Variants in SCN9A observed in about 807,000 individuals in gnomAD.
SCN9A encodes the protein sodium channel protein type 9 subunit alpha.
A neutral mutation model predicts 187.0 loss-of-function variants in SCN9A; 131 were observed. The observed-to-expected ratio is 0.70, with a 90% CI of 0.61 to 0.81. The LOEUF is 0.81. Ranked by LOEUF, SCN9A falls within the 30% of genes least tolerant of loss-of-function variation. The pLI, the probability that SCN9A is intolerant of heterozygous loss-of-function variation, is 0.00. For synonymous variants in SCN9A, 809 were observed against 808.6 expected (o/e 1.00, Z -0.01); for missense variants, 2,252 against 2,396.6 (o/e 0.94, Z 1.26).
intron 17 of SCN9A, among the ~76,000 whole-genome samples, chr2:166,265,938 G>A (rs1457908223): frequency 1.3e-5 from 2 of 151,794 alleles, no homozygotes; most frequent in African/African-American, 2.4e-5. Context: ...AGTTGTTTGA[G>A]TTCCTTGTAT....
Position 166,327,894 on chromosome 2 carries a change from T to G in SCN9A, c.-50-16088A>C, listed in dbSNP as rs140701967. 6.1e-4 allele frequency among the ~76,000 whole-genome samples: 93 copies of G among 152,338 alleles called. 2 individuals carry two copies. The East Asian group carries it at 0.012, about 20-fold the overall frequency. On this transcript the variant is annotated intron_variant, in intron 1 of 26. Coordinates refer to ENST00000642356, the MANE Select transcript of SCN9A (RefSeq NM_001365536.1). ...CTCTTAGATGTCCTTCACATCTCAT[T>G]GATACTAAGGAGCTTTCTCTAACAA...
chr2:166,374,647 A>G (rs1700645995), intron 1 of SCN9A, among the ~76,000 whole-genome samples: 1 of 152,110 alleles, frequency 6.6e-6, no homozygotes, highest in Non-Finnish European at 1.5e-5. Flanking sequence ...TATAAAATAT[A>G]TTTAAATAAC....
chr2:166,363,736 C>T (rs1425096122), intron 1 of SCN9A, among the ~76,000 whole-genome samples: 2 of 151,814 alleles, frequency 1.3e-5, no homozygotes, highest in South Asian at 2.1e-4. Flanking sequence ...AGAGTTAGAA[C>T]TGTAAATTTC....
At chr2:166,207,946 A>G (rs1693895293) in intron 24 of SCN9A, among the ~76,000 whole-genome samples, 1 of 152,228 alleles carries the variant, frequency 6.6e-6, no homozygotes, top group South Asian at 2.1e-4. Context: ...AGAAAAACTG[A>G]GGAGAAAACT....
intron 1 of SCN9A, among the ~76,000 whole-genome samples, chr2:166,371,604 G>A (rs1553508058): frequency 6.6e-6 from 1 of 152,092 alleles, no homozygotes; most frequent in Non-Finnish European, 1.5e-5. Context: ...TTCTCTGGAT[G>A]CTCTCATAAA....
intron 1 of SCN9A, among the ~76,000 whole-genome samples, chr2:166,360,219 CA>C (rs1251018524): frequency 2.2e-3 from 52 of 24,016 alleles, no homozygotes; most frequent in East Asian, 0.013. Context: ...AACTCTGTCT[CA>C]AAAAAAAAAA....
chr2:166,278,057 C>T, intron 15 of SCN9A, 83 bp downstream of exon 15: 1 of 1,164,378 alleles, frequency 8.6e-7, no homozygotes, highest in Non-Finnish European at 1.2e-6. Context: ...GATTCAAATT[C>T]CCAAAAGTTT....
chr2:166,356,787 C>T (rs1528481), intron 1 of SCN9A, among the ~76,000 whole-genome samples: 104,251 of 152,052 alleles, frequency 0.69, 36,471 homozygotes, highest in African/African-American at 0.83. Context: ...TCTGTATCAG[C>T]ATGTATAAAG....
intron 1 of SCN9A, among the ~76,000 whole-genome samples, chr2:166,354,130 T>C (rs1038022074): frequency 6.6e-5 from 10 of 152,182 alleles, no homozygotes; most frequent in African/African-American, 2.4e-4. Context: ...TCATTGATTT[T>C]ACATCAGAAA....
intron 1 of SCN9A, among the ~76,000 whole-genome samples, chr2:166,368,632 C>G (rs1387467211): frequency 6.8e-6 from 1 of 147,042 alleles, no homozygotes; most frequent in African/African-American, 2.5e-5. Flanking sequence ...AACCGGCACA[C>G]CTTTACCTAT....
chr2:166,257,644 T>G (rs1413667645), intron 17 of SCN9A, among the ~76,000 whole-genome samples: 1 of 151,610 alleles, frequency 6.6e-6, no homozygotes, highest in Non-Finnish European at 1.5e-5. Flanking sequence ...GTACCTCATC[T>G]TTTCTAACAG....
At chr2:166,199,913 T>G in intron 26 of SCN9A, 49 bp from the exon 27 acceptor site, 45 of 1,374,754 alleles carry the variant, frequency 3.3e-5, no homozygotes, top group Non-Finnish European at 4.2e-5. Flanking sequence ...AGATGTATGC[T>G]ACCTGAAATG....
intron 10 of SCN9A, 34 bp from the exon 11 acceptor site, chr2:166,286,657 T>G: frequency 8.2e-6 from 12 of 1,466,610 alleles, no homozygotes; most frequent in Non-Finnish European, 9.9e-6. Context: ...CTTAAATGAG[T>G]CATTTCCAAA....
chr2:166,257,866 A>C (rs1446868780), intron 17 of SCN9A, among the ~76,000 whole-genome samples: 1 of 151,542 alleles, frequency 6.6e-6, no homozygotes. Context: ...ATAGTTTTCT[A>C]TGAGAATATT....
Position 166,305,807 on chromosome 2 carries a change from A to T in SCN9A, c.581T>A (p.Val194Asp), listed in dbSNP as rs1574905392. ...LRDPWNWLDF[V>D]VIVFAYLTEF... ...AAGTACTTACGCAAAAACAATGACG[A>T]CAAAATCCAGCCAGTTCCACGGGTC... Residue 194 changes from valine to aspartate, a missense_variant, in exon 5 of 27, where the codon GTC becomes GAC. Val to Asp is a radical substitution (Grantham distance 152). This residue lies in a region of SCN9A where 1,013 missense variants were observed against 997.4 expected (regional missense o/e 1.02). Coordinates refer to ENST00000642356, the MANE Select transcript of SCN9A (RefSeq NM_001365536.1). 6.2e-7 allele frequency: 1 copy of T among 1,613,450 alleles called. No individual in the cohort carries two copies.
chr2:166,280,698 G>T, intron 13 of SCN9A, 103 bp from the exon 14 acceptor site: 1 of 705,930 alleles, frequency 1.4e-6, no homozygotes. Context: ...AAGGTTTATA[G>T]TTTAGATTTT....
intron 20 of SCN9A, among the ~76,000 whole-genome samples, chr2:166,237,615 T>C (rs574051922): frequency 4.6e-5 from 7 of 152,252 alleles, no homozygotes; most frequent in African/African-American, 1.7e-4. Context: ...ACTTTGTATT[T>C]GTATAATGAT....
intron 2 of SCN9A, among the ~76,000 whole-genome samples, 164 bp downstream of exon 2, chr2:166,311,335 T>TATA (rs1269778056): frequency 2.3e-5 from 1 of 44,168 alleles, no homozygotes; most frequent in Non-Finnish European, 4.6e-5. Flanking sequence ...ATATCCTATA[T>TATA]ATATATATAT....
chr2:166,231,133 T>G (rs1695064757), intron 21 of SCN9A, among the ~76,000 whole-genome samples: 1 of 152,178 alleles, frequency 6.6e-6, no homozygotes, highest in Non-Finnish European at 1.5e-5. Context: ...CAAACAGAGT[T>G]AAATAGTGGG....
Sources: allele counts gnomAD v4.1 joint callset (sites outside exome capture counted in the v4.1 genomes callset), GRCh38; gene constraint gnomAD v4.1.1; regional missense constraint gnomAD v4.1.1; transcripts MANE v1.5; gene names NCBI Gene and HGNC (gene_info 2026-07-23, HGNC 2026-07-21).